ABI2: variants seen among roughly 807,000 people sequenced by gnomAD.
ABI2 encodes abelson interactor 2.
A neutral mutation model predicts 59.2 loss-of-function variants in ABI2; 25 were observed. The observed-to-expected ratio is 0.42, with a 90% CI of 0.31 to 0.59. ABI2 has a LOEUF of 0.59. Ranked by LOEUF, ABI2 falls within the 20% of genes least tolerant of loss-of-function variation. The pLI is 0.14. For missense variants in ABI2, 545 were observed against 681.8 expected (o/e 0.80, Z 2.23); for synonymous variants, 213 against 235.5 (o/e 0.90, Z 0.87).
chr2:203,418,109 G>T (rs1297014817), intron 11 of ABI2, among the ~76,000 whole-genome samples: 1 of 152,128 alleles, frequency 6.6e-6, no homozygotes, highest in African/African-American at 2.4e-5. Context: ...AAGGCAAAAA[G>T]GAAAACAGAG....
chr2:203,397,812 G>A (rs887491621), intron 8 of ABI2, among the ~76,000 whole-genome samples: 3 of 152,172 alleles, frequency 2.0e-5, no homozygotes, highest in South Asian at 2.1e-4. Context: ...CACTGGTCAC[G>A]TGGCCAGAGT....
At position 203,372,216 on chromosome 2, in the gene ABI2, C is replaced by T. The variant is rs2095279221; in HGVS notation, c.285+5172C>T. On this transcript the variant is annotated intron_variant, in intron 2 of 11. Coordinates refer to ENST00000261018, the MANE Select transcript of ABI2 (RefSeq NM_001375670.1). ...TCCATTTAACCCTGAGTGGACACAG[C>T]ACATGTTTCAGAGAGCACAGGGTTG... Among the ~76,000 whole-genome samples, 7 of 152,094 alleles carry T rather than the reference C, an allele frequency of 4.6e-5. 1 individual carries two copies. The South Asian group carries it at 1.5e-3, about 32-fold the overall frequency.
rs1484282251 is a variant in ABI2 at position 203,346,036 on chromosome 2, A to G, written c.117+17405A>G. The stretch of plus-strand genomic sequence containing the variant: ...CTCTACTAAAAATACACACGCGCAC[A>G]CACACACACAAACTGAGGCAGGAGA... On this transcript the variant is annotated intron_variant, in intron 1 of 11. Transcript: ENST00000261018. Among the ~76,000 whole-genome samples the G allele has an allele frequency of 6.6e-5, 10 of 151,562 alleles. 1 individual carries two copies. The South Asian group carries it at 1.5e-3, about 22-fold the overall frequency.
In ABI2 at chr2:203,396,860, C is replaced by T. The variant is rs567399529; in HGVS notation, c.926C>T (p.Thr309Ile). The T allele has an allele frequency of 6.5e-7, 1 of 1,535,192 alleles. No homozygotes were observed. The highest frequency in any genetic ancestry group is 1.2e-5 in the South Asian group (1 of 83,864). ...ASAPAPLVPA[T>I]VPSSTAPDAA... The stretch of plus-strand genomic sequence containing the variant: ...GCCCCTGCTCCTCTTGTTCCTGCTA[C>T]TGTCCCTTCCTCCACTGCCCCAGAC... The change falls in exon 8 of 12, where the codon ACT becomes ATT. Residue 309 changes from threonine (T) to isoleucine (I), a missense_variant. Physicochemically the swap from Thr to Ile is moderately conservative, Grantham distance 89 (BLOSUM62 -1). Around this residue, in one of 4 missense-constraint regions of ABI2, gnomAD observed 410 missense variants for 435.6 expected, o/e 0.94. Coordinates refer to ENST00000261018, the MANE Select transcript of ABI2 (RefSeq NM_001375670.1).
Position 203,355,758 on chromosome 2 carries a change from G to C in ABI2, c.118-11119G>C, listed in dbSNP as rs1421626963. On this transcript the variant is annotated intron_variant, in intron 1 of 11. Coordinates refer to ENST00000261018, the MANE Select transcript of ABI2 (RefSeq NM_001375670.1). The stretch of plus-strand genomic sequence containing the variant: ...AGGCAGGAGAATCGCTTGAATCTGG[G>C]AGGCAGAGGTTGCTGTGAGCCGAGA... Among the ~76,000 whole-genome samples the C allele has an allele frequency of 2.0e-5, 3 of 150,314 alleles. No homozygotes were observed. The East Asian group carries it at 5.9e-4, about 29-fold the overall frequency.
At chr2:203,338,993 TATATATATATATATAA>T (rs2078244672) in intron 1 of ABI2, among the ~76,000 whole-genome samples, 2 of 49,890 alleles carry the variant, frequency 4.0e-5, no homozygotes, top group African/African-American at 1.5e-4. Context: ...AATATATATA[TATATATATATATATAA>T]AGGATTCATA....
At chr2:203,378,074 A>G (rs2095828337) in intron 2 of ABI2, among the ~76,000 whole-genome samples, 1 of 152,034 alleles carries the variant, frequency 6.6e-6, no homozygotes, top group Non-Finnish European at 1.5e-5. Context: ...ATGCGTAGAA[A>G]AGTTTAGAGA....
intron 4 of ABI2, among the ~76,000 whole-genome samples, chr2:203,385,948 T>C (rs1288588971): frequency 2.0e-5 from 3 of 152,214 alleles, no homozygotes; most frequent in Non-Finnish European, 4.4e-5. Flanking sequence ...CTCGATAGGC[T>C]TTTTTGTCTT....
At chr2:203,411,104 T>G (rs1263407883) in intron 9 of ABI2, among the ~76,000 whole-genome samples, 181 bp from the exon 10 acceptor site, 1 of 151,996 alleles carries the variant, frequency 6.6e-6, no homozygotes, top group Non-Finnish European at 1.5e-5. Context: ...TACTAAAAAT[T>G]CCCCCAGTAC....
intron 2 of ABI2, chr2:203,376,029 G>C: frequency 6.9e-7 from 1 of 1,458,854 alleles, no homozygotes; most frequent in South Asian, 1.3e-5. Context: ...TTTTTTAAAA[G>C]TTATTTACTT....
intron 1 of ABI2, among the ~76,000 whole-genome samples, chr2:203,363,526 A>G (rs1284820491): frequency 7.8e-6 from 1 of 128,810 alleles, no homozygotes; most frequent in African/African-American, 3.0e-5. Context: ...CTACCTCCCC[A>G]CTTTCCCCCT....
At chr2:203,408,627 A>G (rs1250416633) in intron 9 of ABI2, among the ~76,000 whole-genome samples, 1 of 151,648 alleles carries the variant, frequency 6.6e-6, no homozygotes, top group African/African-American at 2.4e-5. Flanking sequence ...CCAAAAGGTC[A>G]TTTTTTATAT....
intron 6 of ABI2, chr2:203,395,059 C>G: frequency 1.4e-6 from 1 of 719,640 alleles, no homozygotes; most frequent in South Asian, 1.5e-5. Flanking sequence ...AAAGTGCAGA[C>G]TTCTCTCCAA....
At chr2:203,364,714 T>G (rs1007658793) in intron 1 of ABI2, among the ~76,000 whole-genome samples, 1 of 151,946 alleles carries the variant, frequency 6.6e-6, no homozygotes, top group Admixed American at 6.6e-5. Flanking sequence ...TTTATATTAA[T>G]GCACATACAT....
chr2:203,333,703 CA>C (rs982219704), intron 1 of ABI2, among the ~76,000 whole-genome samples: 1 of 152,074 alleles, frequency 6.6e-6, no homozygotes, highest in Non-Finnish European at 1.5e-5. Context: ...GACAAGATTG[CA>C]AAAACAGGCT....
chr2:203,354,973 T>G (rs2091128925), intron 1 of ABI2, among the ~76,000 whole-genome samples: 1 of 152,164 alleles, frequency 6.6e-6, no homozygotes, highest in South Asian at 2.1e-4. Flanking sequence ...TCATCCATCC[T>G]CCCCACAAGA....
intron 1 of ABI2, among the ~76,000 whole-genome samples, chr2:203,335,018 G>A (rs1360553456): frequency 2.0e-5 from 3 of 152,062 alleles, no homozygotes; most frequent in Non-Finnish European, 4.4e-5. Context: ...TAATAGATTG[G>A]ATTCATGAGG....
At chr2:203,420,577 T>G (rs2098153805) in intron 11 of ABI2, among the ~76,000 whole-genome samples, 1 of 152,096 alleles carries the variant, frequency 6.6e-6, no homozygotes, top group Non-Finnish European at 1.5e-5. Flanking sequence ...GTATTTTTAG[T>G]AGAGACAGGG....
At chr2:203,411,499 C>A in intron 10 of ABI2, 128 bp downstream of exon 10, 1 of 741,150 alleles carries the variant, frequency 1.3e-6, no homozygotes, top group Non-Finnish European at 2.2e-6. Context: ...AAATCACTGT[C>A]TGGCTAGTGG....
Sources: allele counts gnomAD v4.1 joint callset (sites outside exome capture counted in the v4.1 genomes callset), GRCh38; gene constraint gnomAD v4.1.1; regional missense constraint gnomAD v4.1.1; transcripts MANE v1.5; gene names NCBI Gene and HGNC (gene_info 2026-07-23, HGNC 2026-07-21).